The following SGSM3 variants were observed in gnomAD, a reference collection of about 807,000 sequenced individuals.
SGSM3 encodes the protein small G protein signaling modulator 3.
Under a neutral mutation model 100.5 loss-of-function variants are expected in SGSM3, and 96 were observed. The ratio of observed to expected loss-of-function variants is 0.96; its 90% CI spans 0.81 to 1.13. The LOEUF is 1.13. Among genes scored for constraint, SGSM3 ranks in the 50% most tolerant of loss-of-function variants. The pLI, the probability that SGSM3 is intolerant of heterozygous loss-of-function variation, is 0.00. For synonymous variants in SGSM3, 483 were observed against 422.8 expected (o/e 1.14, Z -1.75); for missense variants, 1,001 against 1,015.8 (o/e 0.99, Z 0.20).
intron 1 of SGSM3, among the ~76,000 whole-genome samples, chr22:40,381,702 A>G (rs2047608390): frequency 6.6e-6 from 1 of 152,064 alleles, no homozygotes; most frequent in Non-Finnish European, 1.5e-5. Context: ...CACCAGTAAT[A>G]CCAGCACTTT....
intron 6 of SGSM3, 46 bp downstream of exon 6, chr22:40,404,710 C>A: frequency 1.4e-6 from 2 of 1,399,100 alleles, no homozygotes; most frequent in South Asian, 1.2e-5. Flanking sequence ...GCTGTGTGGG[C>A]TCGCAGGAGA....
In SGSM3 at chr22:40,370,689, G is replaced by C. The variant is rs1296047173; in HGVS notation, c.-112+1G>C. 1.3e-5 allele frequency: 2 copies of C among 152,662 alleles called. No homozygotes were observed. Among genetic ancestry groups the C allele is most frequent in the Non-Finnish European group, 2.9e-5 (2 of 68,364 alleles). The allele number at this position is 152,662 out of a possible 1,614,324, so 9.5% of individuals were successfully genotyped here. On this transcript the variant is annotated splice_donor_variant, in intron 1 of 21. Coordinates refer to ENST00000248929, the MANE Select transcript of SGSM3 (RefSeq NM_015705.6). LOFTEE classifies it low-confidence loss of function (5UTR_SPLICE). ...GGCGCTGAGGTGGCCCGTGGGGCAG[G>C]TGAGTGCGGGGCGGGAGTCAGCGGA...
intron 1 of SGSM3, chr22:40,390,327 T>C (rs1187249694): frequency 6.6e-6 from 1 of 152,248 alleles, no homozygotes; most frequent in Non-Finnish European, 1.5e-5. Flanking sequence ...TTATTTTATA[T>C]GAAAATTTCT....
intron 1 of SGSM3, among the ~76,000 whole-genome samples, chr22:40,397,763 G>A (rs2050225173): frequency 6.6e-6 from 1 of 152,122 alleles, no homozygotes. Context: ...GCTTCTCCCT[G>A]GATCTCCTTT....
chr22:40,370,896 G>A (rs2045300433), intron 1 of SGSM3, among the ~76,000 whole-genome samples: 1 of 152,224 alleles, frequency 6.6e-6, no homozygotes, highest in Non-Finnish European at 1.5e-5. Context: ...GACGCGGCGG[G>A]GCGGGGAGGT....
At chr22:40,401,887 A>G (rs529929702) in intron 3 of SGSM3, among the ~76,000 whole-genome samples, 3 of 152,346 alleles carry the variant, frequency 2.0e-5, no homozygotes, top group South Asian at 4.1e-4. Flanking sequence ...TGCATAAAAC[A>G]TGTTTCTTGC....
In SGSM3 at chr22:40,402,174, C is replaced by T. The variant is rs536924104; in HGVS notation, c.126C>T (p.Tyr42=). Residue 42 remains tyrosine (Y), a synonymous_variant, in exon 4 of 22, where the codon TAC becomes TAT. Transcript: ENST00000248929. ...EESAEQPEFY[Y]DEFGFRVYKE... ...CAGCAGAGCAACCAGAGTTCTACTA[C>T]GATGAGTTTGGTTTCCGTGTGTACA... 1.7e-4 allele frequency: 268 copies of T among 1,613,944 alleles called. 4 individuals are homozygous for T. In the South Asian group the frequency reaches 2.4e-3, roughly 15 times the overall value.
rs1602076143 is a variant in SGSM3 at position 40,405,407 on chromosome 22, T to C, written c.618+123T>C. 16 of 1,035,578 alleles carry C rather than the reference T, an allele frequency of 1.5e-5. No individual in the cohort carries two copies. In the East Asian group the frequency reaches 4.0e-4, roughly 26 times the overall value. 64.1% of individuals were successfully genotyped at this position (1,035,578 alleles called of 1,614,324 possible). A position where few individuals can be genotyped will look rare whatever the true frequency, so the allele number is the denominator to read the frequency against. ...CTCCTCCAGGACCCCTAACAAGGAG[T>C]GGCCTCCCACTCCGGGGCGTCCCCA... On this transcript the variant is annotated intron_variant, in intron 7 of 21. Transcript: ENST00000248929.
intron 1 of SGSM3, among the ~76,000 whole-genome samples, chr22:40,384,310 T>G (rs906455459): frequency 2.6e-5 from 4 of 151,940 alleles, no homozygotes; most frequent in Non-Finnish European, 4.4e-5. Context: ...TCTGAATGTC[T>G]TGGGAGAAGA....
chr22:40,382,060 G>A (rs894375776), intron 1 of SGSM3, among the ~76,000 whole-genome samples: 2 of 152,120 alleles, frequency 1.3e-5, no homozygotes, highest in Non-Finnish European at 2.9e-5. Context: ...GTCCTGTCTA[G>A]GATCTAGCCT....
intron 1 of SGSM3, among the ~76,000 whole-genome samples, chr22:40,392,537 CT>C (rs2049499619): frequency 6.6e-6 from 1 of 152,118 alleles, no homozygotes; most frequent in Admixed American, 6.6e-5. Flanking sequence ...GTAGTAGCAG[CT>C]CTGCAGGGGA....
rs114988535 is a variant in SGSM3 at position 40,405,600 on chromosome 22, T to A, written c.619-49T>A. ...CCTAGGGTAGGGGCACCTTTTCTAA[T>A]CTGCACAAAGACCTGGGTAGAAGGC... On this transcript the variant is annotated intron_variant, in intron 7 of 21. Coordinates refer to ENST00000248929, the MANE Select transcript of SGSM3 (RefSeq NM_015705.6). The A allele has an allele frequency of 1.6e-3, 2,515 of 1,548,228 alleles. 19 individuals are homozygous for A. In the African/African-American group the frequency reaches 0.017, roughly 10 times the overall value.
At chr22:40,399,744 A>G (rs2050489351) in intron 1 of SGSM3, among the ~76,000 whole-genome samples, 1 of 152,246 alleles carries the variant, frequency 6.6e-6, no homozygotes, top group African/African-American at 2.4e-5. Context: ...CACAGAACCA[A>G]CCAACCAGGA....
Position 40,386,314 on chromosome 22 carries a change from G to A in SGSM3, c.-111-14382G>A, listed in dbSNP as rs1006008749. ...TGATTGTTGAAATCAGCATTATTAA[G>A]TGTGAAATAATATAAAGATATGGAC... On this transcript the variant is annotated intron_variant, in intron 1 of 21. Coordinates refer to ENST00000248929, the MANE Select transcript of SGSM3 (RefSeq NM_015705.6). 2.1e-4 allele frequency among the ~76,000 whole-genome samples: 32 copies of A among 152,144 alleles called. 1 individual carries two copies. The highest frequency in any genetic ancestry group is 1.8e-3 in the Admixed American group (28 of 15,276).
chr22:40,406,003 A>T, intron 8 of SGSM3, 75 bp from the exon 9 acceptor site: 1 of 1,562,480 alleles, frequency 6.4e-7, no homozygotes, highest in Non-Finnish European at 8.7e-7. Flanking sequence ...TTAAGCAGGG[A>T]GGACCTTGCT....
intron 1 of SGSM3, among the ~76,000 whole-genome samples, chr22:40,384,261 C>CA (rs954759900): frequency 1.5e-4 from 23 of 148,442 alleles, no homozygotes; most frequent in South Asian, 2.1e-4. Flanking sequence ...ACAACAACGA[C>CA]AAAAAAAAAG....
Position 40,404,684 on chromosome 22 carries a change from G to C in SGSM3, c.474+20G>C. On this transcript the variant is annotated intron_variant, in intron 6 of 21. Coordinates refer to ENST00000248929, the MANE Select transcript of SGSM3 (RefSeq NM_015705.6). ...AAGCAGGTGAGGCCGGTGGCACTGT[G>C]CAGGAAGAGCTGGAGGCTGTGTGGG... 1 of 1,559,296 alleles carries C rather than the reference G, an allele frequency of 6.4e-7. No homozygotes were observed. Among genetic ancestry groups the C allele is most frequent in the South Asian group, 1.1e-5 (1 of 88,782 alleles).
intron 1 of SGSM3, among the ~76,000 whole-genome samples, chr22:40,379,082 T>C (rs947219645): frequency 6.6e-6 from 1 of 152,220 alleles, no homozygotes; most frequent in Non-Finnish European, 1.5e-5. Flanking sequence ...CTCATTTTAC[T>C]CTGTAGCACT....
Position 40,406,778 on chromosome 22 carries a change from C to G in SGSM3, c.1185+116C>G. 3 of 953,794 alleles carry G rather than the reference C, an allele frequency of 3.1e-6. 1 individual carries two copies. The Middle Eastern group carries it at 6.3e-4, about 201-fold the overall frequency. 59.1% of individuals were successfully genotyped at this position (953,794 alleles called of 1,614,324 possible). A position where few individuals can be genotyped will look rare whatever the true frequency, so the allele number is the denominator to read the frequency against. ...AAACCAGCCCTTCCTGCTCTGCCCC[C>G]CAGCCTGGCCCAGTCAGACCACAGC... On this transcript the variant is annotated intron_variant, in intron 10 of 21. Transcript: ENST00000248929.
Sources: gnomAD v4.1 joint callset for allele counts (sites outside exome capture counted in the v4.1 genomes callset) on GRCh38, gnomAD v4.1.1 for gene constraint, MANE v1.5 for transcripts, NCBI Gene and HGNC (gene_info 2026-07-23, HGNC 2026-07-21) for gene names.